Variants in BBOX1 observed in about 807,000 individuals in gnomAD.
BBOX1 encodes gamma-butyrobetaine hydroxylase 1.
Under a neutral mutation model 41.6 loss-of-function variants are expected in BBOX1, and 35 were observed. The observed-to-expected ratio is 0.84, with a 90% CI of 0.64 to 1.11. The LOEUF (loss-of-function observed/expected upper bound fraction) is 1.11. BBOX1 is among the 50% of genes most tolerant of loss of function. BBOX1 has a pLI of 0.00. For missense variants in BBOX1, 458 were observed against 460.6 expected (o/e 0.99, Z 0.05); for synonymous variants, 163 against 154.7 (o/e 1.05, Z -0.40).
chr11:27,083,346 A>G (rs1442941), intron 4 of BBOX1, among the ~76,000 whole-genome samples: 152,127 of 152,268 alleles, frequency 1, 75,993 homozygotes, highest in Non-Finnish European at 1. Context: ...TAGGTCATGA[A>G]GAACTTACAA....
At chr11:27,046,270 T>G (rs944264325) in intron 2 of BBOX1, 1 of 152,048 alleles carries the variant, frequency 6.6e-6, no homozygotes, top group African/African-American at 2.4e-5. Flanking sequence ...CAAACTTGAA[T>G]TTGTAATATT....
chr11:27,043,366 A>AT (rs950739306), intron 2 of BBOX1, among the ~76,000 whole-genome samples: 3 of 145,386 alleles, frequency 2.1e-5, no homozygotes, highest in South Asian at 2.3e-4. Flanking sequence ...CCCTGTCCTA[A>AT]TTTTTTTTAA....
chr11:27,108,867 G>A (rs1274630034), intron 5 of BBOX1, among the ~76,000 whole-genome samples: 1 of 151,990 alleles, frequency 6.6e-6, no homozygotes, highest in Non-Finnish European at 1.5e-5. Context: ...ATTATAGATT[G>A]TATTTCCACT....
rs765868683 is a variant in BBOX1 at position 27,040,835 on chromosome 11, C to A, written c.-495C>A. The A allele has an allele frequency of 6.6e-6, 1 of 152,206 alleles. No homozygotes were observed. The highest frequency in any genetic ancestry group is 1.5e-5 in the Non-Finnish European group (1 of 68,056). The allele number at this position is 152,206 out of a possible 1,614,324, so 9.4% of individuals were successfully genotyped here. On this transcript the variant is annotated 5_prime_UTR_variant, in exon 1 of 9. Transcript: ENST00000263182. ...GGCTCATATTGGAATACTCTGTTGA[C>A]AAGTAGATACCACTTCACCTCTGCT...
chr11:27,056,554 CT>C (rs1298261904), intron 3 of BBOX1, among the ~76,000 whole-genome samples: 1 of 152,130 alleles, frequency 6.6e-6, no homozygotes, highest in Admixed American at 6.6e-5. Context: ...CCACACCCAG[CT>C]GCACCATTAC....
chr11:27,119,541 T>C (rs1383528880), intron 6 of BBOX1, 108 bp from the exon 7 acceptor site: 2 of 659,580 alleles, frequency 3.0e-6, no homozygotes, highest in South Asian at 7.5e-5. Context: ...TATCAAAAAA[T>C]GGTGCATGTA....
chr11:27,042,162 T>C (rs1851363683), intron 2 of BBOX1, among the ~76,000 whole-genome samples: 1 of 152,212 alleles, frequency 6.6e-6, no homozygotes, highest in Non-Finnish European at 1.5e-5. Context: ...TACTTTGCAT[T>C]ACATCAGAAA....
chr11:27,058,119 T>C (rs1344380218), intron 4 of BBOX1, among the ~76,000 whole-genome samples: 1 of 152,134 alleles, frequency 6.6e-6, no homozygotes, highest in Admixed American at 6.5e-5. Context: ...GAATCAAAGA[T>C]AGACTGAAAA....
chr11:27,081,910 T>C (rs1201594113), intron 4 of BBOX1, among the ~76,000 whole-genome samples: 2 of 152,176 alleles, frequency 1.3e-5, no homozygotes, highest in Non-Finnish European at 2.9e-5. Flanking sequence ...GTTGTTTGTT[T>C]TTTTCTTGTA....
chr11:27,057,386 C>G, intron 4 of BBOX1, 71 bp downstream of exon 4: 1 of 1,265,114 alleles, frequency 7.9e-7, no homozygotes, highest in Non-Finnish European at 1.1e-6. Flanking sequence ...GAAATTTGCT[C>G]ACAGAAAATT....
intron 2 of BBOX1, among the ~76,000 whole-genome samples, chr11:27,050,930 C>T (rs566836250): frequency 6.6e-6 from 1 of 152,038 alleles, no homozygotes; most frequent in Non-Finnish European, 1.5e-5. Context: ...AGAGGAAAAG[C>T]TTTCAACTTT....
At chr11:27,092,408 T>C (rs1858279401) in intron 4 of BBOX1, among the ~76,000 whole-genome samples, 1 of 151,970 alleles carries the variant, frequency 6.6e-6, no homozygotes, top group African/African-American at 2.4e-5. Flanking sequence ...TTAGTTTCCT[T>C]GGCAAATTTG....
Position 27,094,271 on chromosome 11 carries a change from G to GT in BBOX1, c.533+906dup, listed in dbSNP as rs1401010254. 2.0e-5 allele frequency among the ~76,000 whole-genome samples: 3 copies of GT among 152,042 alleles called. No individual in the cohort carries two copies. The East Asian group carries it at 5.8e-4, about 30-fold the overall frequency. On this transcript the variant is annotated intron_variant, in intron 5 of 8. Coordinates refer to ENST00000263182, the MANE Select transcript of BBOX1 (RefSeq NM_003986.3). ...CTTATGTAGATGTGGGAGTATAACTGTATTTCTTTAGAGTGAGTCCCTTAT... is the reference window on the plus strand; with the variant it reads ...CTTATGTAGATGTGGGAGTATAACTGTTATTTCTTTAGAGTGAGTCCCTTAT...
chr11:27,104,399 TGGGA>T (rs1300528954), intron 5 of BBOX1, among the ~76,000 whole-genome samples: 2 of 152,204 alleles, frequency 1.3e-5, no homozygotes, highest in Non-Finnish European at 2.9e-5. Context: ...TCCTGGTTCA[TGGGA>T]ATATCTTATC....
At chr11:27,124,889 A>G (rs1419217640) in intron 7 of BBOX1, among the ~76,000 whole-genome samples, 4 of 152,208 alleles carry the variant, frequency 2.6e-5, no homozygotes, top group African/African-American at 9.6e-5. Context: ...ATTTTGAGAA[A>G]GAGAATAGAG....
At chr11:27,125,603 T>C (rs1044416734) in intron 7 of BBOX1, 51 bp from the exon 8 acceptor site, 7 of 1,364,658 alleles carry the variant, frequency 5.1e-6, no homozygotes, top group Non-Finnish European at 6.8e-6. Flanking sequence ...CTTATCAATG[T>C]AAATAGATAT....
intron 2 of BBOX1, among the ~76,000 whole-genome samples, chr11:27,048,975 C>T (rs1851581741): frequency 6.9e-6 from 1 of 145,144 alleles, no homozygotes; most frequent in South Asian, 2.2e-4. Flanking sequence ...TAAATTCCCA[C>T]CTATGAGTGA....
chr11:27,054,718 A>G (rs963061096), intron 2 of BBOX1, among the ~76,000 whole-genome samples: 37 of 152,342 alleles, frequency 2.4e-4, no homozygotes, highest in Admixed American at 2.1e-3. Flanking sequence ...CTCTATTGAT[A>G]TGCATTAAAA....
chr11:27,068,064 A>ATAG lies in BBOX1; in HGVS notation c.334+10750_334+10751insAGT, dbSNP rs200445171. On this transcript the variant is annotated intron_variant, in intron 4 of 8. Coordinates refer to ENST00000263182, the MANE Select transcript of BBOX1 (RefSeq NM_003986.3). The stretch of plus-strand genomic sequence containing the variant: ...ATACATTTTCAGGTGTCTTTTTTAC[A>ATAG]TGACTTTTTTCCTTTGGGGTAGATA... Among the ~76,000 whole-genome samples, 3 of 53,266 alleles carry ATAG rather than the reference A, an allele frequency of 5.6e-5. No individual in the cohort carries two copies. The East Asian group carries it at 1.9e-3, about 33-fold the overall frequency. The allele number at this position is 53,266 out of a possible 152,430, so 34.9% of individuals were successfully genotyped here. A position where few individuals can be genotyped will look rare whatever the true frequency, so the allele number is the denominator to read the frequency against.
Sources: gnomAD v4.1 joint callset for allele counts (sites outside exome capture counted in the v4.1 genomes callset) on GRCh38, gnomAD v4.1.1 for gene constraint, MANE v1.5 for transcripts, NCBI Gene and HGNC (gene_info 2026-07-23, HGNC 2026-07-21) for gene names.